The following CNOT6 variants were observed in gnomAD, a reference collection of about 807,000 sequenced individuals.
CNOT6 encodes CCR4-NOT transcription complex subunit 6, also known as carbon catabolite repression 4 protein.
In CNOT6, 12 loss-of-function variants were observed where a neutral mutation model predicts 61.2. The ratio of observed to expected loss-of-function variants is 0.20; its 90% CI spans 0.13 to 0.32. CNOT6 has a LOEUF of 0.32. Among genes scored for constraint, CNOT6 ranks in the 10% least tolerant of loss-of-function variants. CNOT6 has a pLI of 1.00. For synonymous variants in CNOT6, 225 were observed against 240.6 expected (o/e 0.94, Z 0.60); for missense variants, 405 against 663.9 (o/e 0.61, Z 4.28).
chr5:180,556,955 CAAA>C (rs559541607), intron 4 of CNOT6, among the ~76,000 whole-genome samples: 2 of 99,344 alleles, frequency 2.0e-5, no homozygotes, highest in Admixed American at 1.1e-4. Context: ...GACTCCGTCT[CAAA>C]AAAAAAAAAA....
intron 1 of CNOT6, among the ~76,000 whole-genome samples, chr5:180,515,247 C>A (rs1047940653): frequency 6.7e-6 from 1 of 149,404 alleles, no homozygotes; most frequent in Non-Finnish European, 1.5e-5. Context: ...GTGATGCCTC[C>A]CATCTCTACA....
At position 180,574,814 on chromosome 5, in the gene CNOT6, A is replaced by T. The variant is rs991555564; in HGVS notation, c.*614A>T. The T allele has an allele frequency of 6.5e-6, 1 of 153,194 alleles. No individual in the cohort carries two copies. Among genetic ancestry groups the T allele is most frequent in the African/African-American group, 2.4e-5 (1 of 41,432 alleles). The allele number at this position is 153,194 out of a possible 1,614,324, so 9.5% of individuals were successfully genotyped here. ...CTGCAACAGACTTTCTCTGCTCATG[A>T]TTTGCACTCTTAGGGTTTTGTTAGC... On this transcript the variant is annotated 3_prime_UTR_variant, in exon 12 of 12. Coordinates refer to ENST00000261951, the MANE Select transcript of CNOT6 (RefSeq NM_001370472.1).
At chr5:180,519,699 G>T (rs772225377) in intron 1 of CNOT6, among the ~76,000 whole-genome samples, 1 of 151,498 alleles carries the variant, frequency 6.6e-6, no homozygotes, top group South Asian at 2.1e-4. Context: ...CATATAAATG[G>T]AATCTCTTGG....
chr5:180,566,931 G>A (rs534108125), intron 7 of CNOT6, among the ~76,000 whole-genome samples, 157 bp from the exon 8 acceptor site: 2 of 152,234 alleles, frequency 1.3e-5, no homozygotes, highest in East Asian at 3.9e-4. Flanking sequence ...TGGGGTTACA[G>A]ACATGAGCCA....
chr5:180,532,002 C>T (rs1206108714), intron 2 of CNOT6, among the ~76,000 whole-genome samples: 1 of 152,156 alleles, frequency 6.6e-6, no homozygotes, highest in South Asian at 2.1e-4. Flanking sequence ...GGAGAGGGAC[C>T]CCTCTTCTGA....
rs536116914 is a variant in CNOT6 at position 180,543,951 on chromosome 5, C to T, written c.113-5980C>T. ...TCAGCCTCTCAAGTAGCTGGGACTA[C>T]AGGCGCCCGCCACCACGCCTGGCTA... On this transcript the variant is annotated intron_variant, in intron 2 of 11. Coordinates refer to ENST00000261951, the MANE Select transcript of CNOT6 (RefSeq NM_001370472.1). 2.0e-5 allele frequency among the ~76,000 whole-genome samples: 3 copies of T among 152,252 alleles called. No individual in the cohort carries two copies. In the South Asian group the frequency reaches 6.2e-4, roughly 32 times the overall value.
chr5:180,541,440 AATTTTTTTTTTTTTTT>A lies in CNOT6; in HGVS notation c.113-8490_113-8475del, dbSNP rs1180977314. ...CATGAACCACCACAACTGGCCAAGA[AATTTTTTTTTTTTTTT>A]TTTTTTTTTTTTTGAGACAGAGTTT... On this transcript the variant is annotated intron_variant, in intron 2 of 11. Coordinates refer to ENST00000261951, the MANE Select transcript of CNOT6 (RefSeq NM_001370472.1). Among the ~76,000 whole-genome samples the A allele has an allele frequency of 9.7e-5, 10 of 102,928 alleles. 1 individual carries two copies. The highest frequency in any genetic ancestry group is 2.2e-4 in the Admixed American group (2 of 8,964). 67.5% of individuals were successfully genotyped at this position (102,928 alleles called of 152,430 possible).
At chr5:180,538,898 G>C (rs902746365) in intron 2 of CNOT6, among the ~76,000 whole-genome samples, 3 of 151,322 alleles carry the variant, frequency 2.0e-5, no homozygotes, top group Non-Finnish European at 4.4e-5. Flanking sequence ...AAAATTGTCT[G>C]GGTACGGTAG....
At chr5:180,540,696 T>TA (rs766933309) in intron 2 of CNOT6, among the ~76,000 whole-genome samples, 1 of 152,252 alleles carries the variant, frequency 6.6e-6, no homozygotes, top group African/African-American at 2.4e-5. Context: ...ATTTTAAACT[T>TA]ACAATGTTTT....
At chr5:180,566,043 G>A (rs538739211) in intron 7 of CNOT6, 66 bp downstream of exon 7, 10 of 1,417,412 alleles carry the variant, frequency 7.1e-6, no homozygotes, top group African/African-American at 2.9e-5. Context: ...AATACATTAC[G>A]CTGACACATT....
intron 4 of CNOT6, among the ~76,000 whole-genome samples, chr5:180,561,151 C>T (rs1760161369): frequency 6.6e-6 from 1 of 152,096 alleles, no homozygotes; most frequent in African/African-American, 2.4e-5. Flanking sequence ...CGAGATTTTG[C>T]CATGTTAACA....
intron 2 of CNOT6, among the ~76,000 whole-genome samples, chr5:180,538,034 CTTTTTTTTTTTTTT>C (rs57646217): frequency 2.7e-5 from 2 of 74,364 alleles, no homozygotes; most frequent in Non-Finnish European, 5.4e-5. Context: ...GGAACATCAT[CTTTTTTTTTTTTTT>C]TTTTTTTTGA....
At chr5:180,564,145 C>G (rs1760330744) in intron 4 of CNOT6, among the ~76,000 whole-genome samples, 1 of 152,218 alleles carries the variant, frequency 6.6e-6, no homozygotes, top group Non-Finnish European at 1.5e-5. Context: ...CCCACCCACT[C>G]TCCCAGTCAC....
At position 180,565,984 on chromosome 5, in the gene CNOT6, C is replaced by CA. The variant is rs1760432495; in HGVS notation, c.717+8dup. 1 of 1,608,642 alleles carries CA rather than the reference C, an allele frequency of 6.2e-7. No individual in the cohort carries two copies. The highest frequency in any genetic ancestry group is 2.2e-5 in the East Asian group (1 of 44,776). On this transcript the variant is annotated splice_region_variant and intron_variant, in intron 7 of 11. Transcript: ENST00000261951. The stretch of plus-strand genomic sequence containing the variant: ...TGATATCGTAAGTCTTCAGGTAAGT[C>CA]AGACAGAAGACAGTCAACCTAGCAT...
chr5:180,511,950 CTTCCCT>C (rs965173259), intron 1 of CNOT6, among the ~76,000 whole-genome samples: 2 of 152,182 alleles, frequency 1.3e-5, no homozygotes, highest in African/African-American at 4.8e-5. Context: ...TGTTTTCCTT[CTTCCCT>C]TTCCATCAAA....
At chr5:180,501,704 A>C (rs1276280614) in intron 1 of CNOT6, among the ~76,000 whole-genome samples, 1 of 152,232 alleles carries the variant, frequency 6.6e-6, no homozygotes, top group African/African-American at 2.4e-5. Context: ...CCACAAGAGG[A>C]GAGGACTAAG....
At chr5:180,536,515 G>A (rs187550623) in intron 2 of CNOT6, among the ~76,000 whole-genome samples, 77 of 152,036 alleles carry the variant, frequency 5.1e-4, no homozygotes, top group African/African-American at 1.8e-3. Flanking sequence ...GCTGGATGGA[G>A]TGGTATAATC....
At chr5:180,500,105 T>C (rs569700835) in intron 1 of CNOT6, among the ~76,000 whole-genome samples, 1 of 116,520 alleles carries the variant, frequency 8.6e-6, no homozygotes, top group East Asian at 2.1e-4. Flanking sequence ...TTCTTTTTTT[T>C]TCCCCCCTTT....
At chr5:180,509,325 A>T (rs1357158571) in intron 1 of CNOT6, among the ~76,000 whole-genome samples, 1 of 151,866 alleles carries the variant, frequency 6.6e-6, no homozygotes, top group African/African-American at 2.4e-5. Context: ...TCTACAGACC[A>T]GGTTTTGCCA....
Sources: allele counts gnomAD v4.1 joint callset (sites outside exome capture counted in the v4.1 genomes callset), GRCh38; gene constraint gnomAD v4.1.1; transcripts MANE v1.5; gene names NCBI Gene and HGNC (gene_info 2026-07-23, HGNC 2026-07-21).